The following NEK5 variants were observed in gnomAD, a reference collection of about 807,000 sequenced individuals.
NEK5 encodes serine/threonine-protein kinase Nek5.
A neutral mutation model predicts 109.2 loss-of-function variants in NEK5; 88 were observed. That is an observed-to-expected ratio of 0.81 (90% CI 0.68 to 0.96). The LOEUF is 0.96. Among genes scored for constraint, NEK5 ranks in the 40% least tolerant of loss-of-function variants. The pLI is 0.00. For synonymous variants in NEK5, 283 were observed against 299.9 expected, an observed-to-expected ratio of 0.94 and a Z score of 0.58; for missense variants, 834 against 920.7, an observed-to-expected ratio of 0.91 and a Z score of 1.22.
At chr13:52,098,075 C>T (rs1292524741) in intron 12 of NEK5, among the ~76,000 whole-genome samples, 2 of 152,066 alleles carry the variant, frequency 1.3e-5, no homozygotes, top group Non-Finnish European at 2.9e-5. Flanking sequence ...TTTCCTGCGG[C>T]CTCCCCAGCA....
At chr13:52,080,216 G>T (rs1408496197) in intron 17 of NEK5, among the ~76,000 whole-genome samples, 7 of 111,304 alleles carry the variant, frequency 6.3e-5, no homozygotes, top group Non-Finnish European at 1.5e-4. Context: ...GAGGGAGGTG[G>T]GGGGGGGTCA....
intron 19 of NEK5, among the ~76,000 whole-genome samples, chr13:52,074,982 C>T (rs1036524003): frequency 6.6e-6 from 1 of 151,986 alleles, no homozygotes; most frequent in Non-Finnish European, 1.5e-5. Flanking sequence ...CAAATATTGG[C>T]GAGGCTGCAG....
intron 3 of NEK5, among the ~76,000 whole-genome samples, chr13:52,121,753 A>G (rs1049097565): frequency 2.0e-5 from 3 of 152,306 alleles, no homozygotes; most frequent in Middle Eastern, 3.4e-3. Flanking sequence ...ACTGTTGTTA[A>G]TAGTTAGAGC....
chr13:52,101,846 A>G (rs978732692), intron 11 of NEK5, 87 bp downstream of exon 11: 9 of 1,090,966 alleles, frequency 8.2e-6, no homozygotes, highest in Admixed American at 5.2e-5. Flanking sequence ...TCCACTTTCA[A>G]TATGTTTGGT....
At position 52,065,734 on chromosome 13, in the gene NEK5, C is replaced by CAGATATAAGA. The variant is rs1245670741; in HGVS notation, c.1850-126_1850-125insTCTTATATCT. The CAGATATAAGA allele has an allele frequency of 4.3e-5, 28 of 645,918 alleles. No homozygotes were observed. In the Admixed American group the frequency reaches 6.5e-4, roughly 15 times the overall value. The allele number at this position is 645,918 out of a possible 1,614,324, so 40.0% of individuals were successfully genotyped here. A position where few individuals can be genotyped will look rare whatever the true frequency, so the allele number is the denominator to read the frequency against. Reference sequence around the variant, plus strand: ...ATGTTCAAAACCAGAAAAATGACCACCCTTGTTCTAACAGATATAAGACTG... The same window carrying CAGATATAAGA: ...ATGTTCAAAACCAGAAAAATGACCACAGATATAAGACCTTGTTCTAACAGATATAAGACTG... On this transcript the variant is annotated intron_variant, in intron 20 of 23. Coordinates refer to ENST00000684899, the MANE Select transcript of NEK5 (RefSeq NM_001365552.1).
intron 17 of NEK5, chr13:52,082,301 G>A: frequency 1.1e-6 from 1 of 922,024 alleles, no homozygotes; most frequent in Admixed American, 3.1e-5. Context: ...GGCAACAAGA[G>A]CGAAATTCCA....
chr13:52,064,220 G>A (rs1954647151), intron 21 of NEK5, among the ~76,000 whole-genome samples: 1 of 147,242 alleles, frequency 6.8e-6, no homozygotes, highest in Non-Finnish European at 1.5e-5. Context: ...CGTCCGGGAG[G>A]GAGGTGGGGG....
In NEK5 at chr13:52,034,004, T is replaced by C. The variant is rs1246708159; in HGVS notation, c.*2944A>G. On this transcript the variant is annotated 3_prime_UTR_variant, in exon 24 of 24. Transcript: ENST00000684899. Reference sequence around the variant, plus strand: ...CCCACTCTAAATGTAAGGCAACCCTTGGCTTTGGAGAAGCATCTGTTCCAA... The same window carrying C: ...CCCACTCTAAATGTAAGGCAACCCTCGGCTTTGGAGAAGCATCTGTTCCAA... 1 of 152,240 alleles carries C rather than the reference T, an allele frequency of 6.6e-6. No individual in the cohort carries two copies. The highest frequency in any genetic ancestry group is 1.5e-5 in the Non-Finnish European group (1 of 68,036). 9.4% of individuals were successfully genotyped at this position (152,240 alleles called of 1,614,324 possible).
At chr13:52,061,176 T>A (rs1263733082) in intron 22 of NEK5, among the ~76,000 whole-genome samples, 1 of 152,166 alleles carries the variant, frequency 6.6e-6, no homozygotes, top group Non-Finnish European at 1.5e-5. Context: ...AGGCATTAGA[T>A]TCTCATAAGG....
At chr13:52,058,888 C>T (rs1294364974) in intron 22 of NEK5, among the ~76,000 whole-genome samples, 1 of 151,684 alleles carries the variant, frequency 6.6e-6, no homozygotes, top group Non-Finnish European at 1.5e-5. Flanking sequence ...AGGACATAGG[C>T]ATGGGCAAGG....
At chr13:52,087,602 T>C (rs1228173323) in intron 14 of NEK5, 148 bp from the exon 15 acceptor site, 3 of 491,728 alleles carry the variant, frequency 6.1e-6, no homozygotes, top group African/African-American at 5.9e-5. Context: ...TAGTAGAATT[T>C]TCTTAATTAT....
At chr13:52,116,495 T>C (rs1000274331) in intron 4 of NEK5, among the ~76,000 whole-genome samples, 4 of 152,064 alleles carry the variant, frequency 2.6e-5, no homozygotes, top group South Asian at 2.1e-4. Flanking sequence ...ATTAACCCAA[T>C]TGCAAGTAAA....
At chr13:52,038,825 GA>G (rs1183060212) in intron 23 of NEK5, among the ~76,000 whole-genome samples, 143 of 94,556 alleles carry the variant, frequency 1.5e-3, no homozygotes, top group African/African-American at 4.6e-3. Context: ...ACACTCATCT[GA>G]AAAAAAAAAA....
chr13:52,110,693 T>G (rs1478659587), intron 5 of NEK5, 116 bp from the exon 6 acceptor site: 5 of 614,864 alleles, frequency 8.1e-6, no homozygotes, highest in Admixed American at 5.9e-5. Context: ...CATACACACA[T>G]ATAGTGTATG....
intron 8 of NEK5, among the ~76,000 whole-genome samples, chr13:52,105,238 AGTGTGT>A (rs5803594): frequency 0.045 from 6,729 of 147,982 alleles, 188 homozygotes; most frequent in Middle Eastern, 0.099. Flanking sequence ...TTTGTGCATG[AGTGTGT>A]GTGTGTGTGT....
intron 20 of NEK5, among the ~76,000 whole-genome samples, chr13:52,071,519 A>G (rs1440566031): frequency 1.3e-5 from 2 of 152,242 alleles, no homozygotes; most frequent in Non-Finnish European, 2.9e-5. Flanking sequence ...TTGTGTTGAT[A>G]AATTCTTTTA....
At chr13:52,070,533 AGAG>A (rs1012115122) in intron 20 of NEK5, among the ~76,000 whole-genome samples, 2 of 152,192 alleles carry the variant, frequency 1.3e-5, no homozygotes, top group African/African-American at 4.8e-5. Flanking sequence ...GGTTTTAAAA[AGAG>A]GAGTTCCTCT....
chr13:52,119,685 A>G (rs1955933039), intron 3 of NEK5, among the ~76,000 whole-genome samples: 2 of 152,190 alleles, frequency 1.3e-5, no homozygotes, highest in South Asian at 4.1e-4. Context: ...TACCGTGTTC[A>G]TTATCTAGCC....
intron 1 of NEK5, 197 bp downstream of exon 1, chr13:52,128,832 A>G (rs1233195654): frequency 6.6e-6 from 1 of 152,214 alleles, no homozygotes; most frequent in Admixed American, 6.5e-5. Context: ...CCCGTACCCG[A>G]CCTCCGCGTG....
Sources: allele counts gnomAD v4.1 joint callset (sites outside exome capture counted in the v4.1 genomes callset), GRCh38; gene constraint gnomAD v4.1.1; transcripts MANE v1.5; gene names NCBI Gene and HGNC (gene_info 2026-07-23, HGNC 2026-07-21).